NUP160: variants seen among roughly 807,000 people sequenced by gnomAD.
NUP160 encodes the protein nuclear pore complex protein Nup160.
In NUP160, 94 loss-of-function variants were observed where a neutral mutation model predicts 196.9. That is an observed-to-expected ratio of 0.48 (90% CI 0.40 to 0.57). NUP160 has a LOEUF of 0.57. NUP160 is among the 20% of genes least tolerant of loss of function. The pLI is 0.00. For missense variants in NUP160, 1,638 were observed against 1,748.3 expected (o/e 0.94, Z 1.13); for synonymous variants, 605 against 619.7 (o/e 0.98, Z 0.35).
intron 4 of NUP160, among the ~76,000 whole-genome samples, chr11:47,839,035 G>A (rs1852242918): frequency 6.6e-6 from 1 of 151,578 alleles, no homozygotes; most frequent in African/African-American, 2.4e-5. Flanking sequence ...GAAAAGTTGT[G>A]TCATGTCACT....
At chr11:47,790,545 G>A (rs559541477) in intron 29 of NUP160, among the ~76,000 whole-genome samples, 1 of 152,250 alleles carries the variant, frequency 6.6e-6, no homozygotes, top group Non-Finnish European at 1.5e-5. Context: ...ACAGGCATGA[G>A]CCACCGCACC....
At chr11:47,783,051 G>C (rs751703710) in intron 34 of NUP160, 22 bp downstream of exon 34, 1 of 1,600,260 alleles carries the variant, frequency 6.2e-7, no homozygotes, top group East Asian at 2.2e-5. Context: ...TTGTAAATTG[G>C]GGACCATTTG....
intron 9 of NUP160, chr11:47,821,259 G>T (rs1448468576): frequency 1.3e-5 from 2 of 151,456 alleles, no homozygotes; most frequent in Non-Finnish European, 2.9e-5. Flanking sequence ...TGCACAAGAG[G>T]TATTTCAGGA....
At chr11:47,806,790 TACACACAC>T (rs57141346) in intron 19 of NUP160, among the ~76,000 whole-genome samples, 6,310 of 111,742 alleles carry the variant, frequency 0.056, 215 homozygotes, top group East Asian at 0.12. Context: ...AAAGCAGCTA[TACACACAC>T]ACACACACAC....
intron 27 of NUP160, among the ~76,000 whole-genome samples, chr11:47,794,173 C>T (rs2097669550): frequency 6.6e-6 from 1 of 152,158 alleles, no homozygotes; most frequent in Admixed American, 6.6e-5. Context: ...TGTGAATGCA[C>T]TTAACACTCC....
chr11:47,788,096 T>C (rs1451940058), intron 31 of NUP160, 86 bp downstream of exon 31: 5 of 1,124,374 alleles, frequency 4.4e-6, no homozygotes, highest in East Asian at 4.7e-5. Context: ...TATGGGCTAC[T>C]TGGCTTATGA....
At chr11:47,820,212 A>G (rs1599332555) in intron 9 of NUP160, 1 of 152,248 alleles carries the variant, frequency 6.6e-6, no homozygotes, top group East Asian at 1.9e-4. Flanking sequence ...ATTTTTGGCC[A>G]AATTTAGCAG....
chr11:47,782,239 T>C (rs1484249935), intron 34 of NUP160, among the ~76,000 whole-genome samples: 1 of 142,828 alleles, frequency 7.0e-6, no homozygotes, highest in East Asian at 2.0e-4. Flanking sequence ...AGGGAGTAAG[T>C]GGAGGCTGCA....
At chr11:47,806,049 A>C in intron 20 of NUP160, 104 bp downstream of exon 20, 1 of 1,034,748 alleles carries the variant, frequency 9.7e-7, no homozygotes. Context: ...TCTGGCCATA[A>C]GTGATAAACC....
exon 27 of NUP160, chr11:47,797,803 T>C (rs1019179911): frequency 1.1e-5 from 17 of 1,612,802 alleles, no homozygotes; most frequent in Admixed American, 1.7e-5. Context: ...TGGCGATAGA[T>C]GTGAAAGGCA....
chr11:47,824,715 C>T lies in NUP160; in HGVS notation c.1102-2551G>A, dbSNP rs149359121. Among the ~76,000 whole-genome samples, 850 of 152,242 alleles carry T rather than the reference C, an allele frequency of 5.6e-3. 9 individuals carry two copies. Among genetic ancestry groups the T allele is most frequent in the African/African-American group, 0.017 (725 of 41,556 alleles). On this transcript the variant is annotated intron_variant, in intron 7 of 35. Coordinates refer to ENST00000378460, the Ensembl canonical transcript of NUP160. ...GTGCAGTGACATGATCGTAGCTCAA[C>T]GTTAACCTCCAACTCTTGGGCTCAA...
At chr11:47,826,647 C>T (rs1851973751) in intron 7 of NUP160, among the ~76,000 whole-genome samples, 1 of 150,338 alleles carries the variant, frequency 6.7e-6, no homozygotes, top group South Asian at 2.2e-4. Flanking sequence ...ACTGCAACAT[C>T]TGCCTCCTGG....
intron 4 of NUP160, 101 bp downstream of exon 4, chr11:47,839,742 G>T: frequency 2.1e-6 from 2 of 955,686 alleles, no homozygotes; most frequent in Non-Finnish European, 3.4e-6. Flanking sequence ...CAGTTCCGGG[G>T]CAGTAGAGAT....
At chr11:47,842,639 T>C (rs1852328656) in intron 2 of NUP160, among the ~76,000 whole-genome samples, 1 of 152,152 alleles carries the variant, frequency 6.6e-6, no homozygotes, top group Non-Finnish European at 1.5e-5. Context: ...CAGTTGATTT[T>C]AGCTCCTGGC....
rs77936817 is a variant in NUP160, at chr11:47,808,377, T to C, written c.2375+19A>G. 5.6e-4 allele frequency: 896 copies of C among 1,595,330 alleles called. 8 individuals carry two copies. In the East Asian group the frequency reaches 0.018, roughly 32 times the overall value. The stretch of plus-strand genomic sequence containing the variant: ...AACTCACAATTTACATTTTAAATAA[T>C]TGGGATAATGAAACTCACAGTGTGT... On this transcript the variant is annotated intron_variant, in intron 18 of 35. Transcript: ENST00000378460.
intron 8 of NUP160, 123 bp from the exon 9 acceptor site, chr11:47,821,944 T>C: frequency 1.0e-6 from 1 of 993,508 alleles, no homozygotes; most frequent in Non-Finnish European, 1.5e-6. Flanking sequence ...CCACATGAAT[T>C]TGGTAAAGTC....
At chr11:47,806,524 C>A in intron 19 of NUP160, 1 of 482,486 alleles carries the variant, frequency 2.1e-6, no homozygotes, top group East Asian at 3.4e-5. Context: ...CCATTCACAT[C>A]AAAGTTATAG....
At chr11:47,817,414 C>T (rs1230863232) in intron 11 of NUP160, among the ~76,000 whole-genome samples, 1 of 150,080 alleles carries the variant, frequency 6.7e-6, no homozygotes, top group Non-Finnish European at 1.5e-5. Context: ...GCAATCTTGG[C>T]TCACTGCAAC....
At chr11:47,839,522 T>C (rs1474806642) in intron 4 of NUP160, 2 of 293,320 alleles carry the variant, frequency 6.8e-6, no homozygotes, top group Non-Finnish European at 1.3e-5. Context: ...GGGTATTTAA[T>C]GTCTTTGTTT....
Sources: gnomAD v4.1 joint callset for allele counts (sites outside exome capture counted in the v4.1 genomes callset) on GRCh38, gnomAD v4.1.1 for gene constraint, MANE v1.5 for transcripts, NCBI Gene and HGNC (gene_info 2026-07-23, HGNC 2026-07-21) for gene names.